The following KAT6A variants were observed in gnomAD, a reference collection of about 807,000 sequenced individuals.
KAT6A encodes the protein lysine acetyltransferase 6A.
KAT6A carries 9 observed loss-of-function variants against 198.4 expected under a neutral mutation model. That is an observed-to-expected ratio of 0.05 (90% CI 0.03 to 0.08). The LOEUF (loss-of-function observed/expected upper bound fraction) is 0.08. Among genes scored for constraint, KAT6A ranks in the 10% least tolerant of loss-of-function variants. The probability of loss-of-function intolerance (pLI) is 1.00; values close to 1 mark genes in which losing one functional copy is unlikely to be tolerated. For missense variants in KAT6A, 2,077 were observed against 2,509.9 expected, an observed-to-expected ratio of 0.83 and a Z score of 3.69; for synonymous variants, 890 against 883.0, an observed-to-expected ratio of 1.01 and a Z score of -0.14.
chr8:41,967,420 A>G (rs748609674), intron 8 of KAT6A, among the ~76,000 whole-genome samples: 5 of 149,890 alleles, frequency 3.3e-5, no homozygotes, highest in African/African-American at 7.3e-5. Flanking sequence ...AGCATTAGGT[A>G]TATCTCCCAA....
chr8:41,963,888 C>T (rs936015417), intron 8 of KAT6A, among the ~76,000 whole-genome samples: 3 of 152,046 alleles, frequency 2.0e-5, no homozygotes, highest in South Asian at 2.1e-4. Context: ...CACACAGCTC[C>T]GAGAATACAC....
chr8:42,005,226 T>C (rs1825681939), intron 2 of KAT6A, among the ~76,000 whole-genome samples: 3 of 152,214 alleles, frequency 2.0e-5, no homozygotes, highest in Admixed American at 1.3e-4. Context: ...TTTCAGAAGA[T>C]ATTCTTTTCT....
Position 42,018,911 on chromosome 8 carries a change from C to G in KAT6A, c.600+29467G>C, listed in dbSNP as rs1003083491. On this transcript the variant is annotated intron_variant, in intron 2 of 16. Transcript: ENST00000265713. ...ACTCCAGCCTGGCGACAGAGCGAGACTCTGCCTCAAATTAAAAAAAAACAA... is the reference window on the plus strand; with the variant it reads ...ACTCCAGCCTGGCGACAGAGCGAGAGTCTGCCTCAAATTAAAAAAAAACAA... Among the ~76,000 whole-genome samples, 2 of 152,120 alleles carry G rather than the reference C, an allele frequency of 1.3e-5. 1 individual carries two copies. Among genetic ancestry groups the G allele is most frequent in the South Asian group, 4.1e-4 (2 of 4,828 alleles).
At chr8:41,937,703 T>C in intron 15 of KAT6A, 135 bp from the exon 16 acceptor site, 3 of 649,592 alleles carry the variant, frequency 4.6e-6, no homozygotes, top group Non-Finnish European at 7.7e-6. Flanking sequence ...ATATTTTGAA[T>C]ATTATTTCAA....
chr8:42,013,303 T>C (rs889838525), intron 2 of KAT6A, among the ~76,000 whole-genome samples: 1 of 151,210 alleles, frequency 6.6e-6, no homozygotes, highest in African/African-American at 2.4e-5. Context: ...GTTGCCAGGC[T>C]GGAGTGCAGT....
chr8:41,982,926 T>A (rs1028372126), intron 3 of KAT6A, among the ~76,000 whole-genome samples: 7 of 151,936 alleles, frequency 4.6e-5, no homozygotes, highest in African/African-American at 1.7e-4. Context: ...TTATCCAAGG[T>A]TTCAAGCATC....
intron 15 of KAT6A, among the ~76,000 whole-genome samples, chr8:41,938,954 G>GAAAAAAAAAA (rs894664976): frequency 2.6e-5 from 2 of 75,748 alleles, no homozygotes. Flanking sequence ...TCTGGGGAAG[G>GAAAAAAAAAA]AAAAAAAAAA....
intron 8 of KAT6A, among the ~76,000 whole-genome samples, chr8:41,960,630 T>C (rs867687543): frequency 6.6e-6 from 1 of 152,216 alleles, no homozygotes; most frequent in Admixed American, 6.5e-5. Context: ...TTGTGACCTA[T>C]CTTTCCCTTT....
chr8:42,026,065 T>C (rs1435520614), intron 2 of KAT6A, among the ~76,000 whole-genome samples: 1 of 152,238 alleles, frequency 6.6e-6, no homozygotes, highest in Non-Finnish European at 1.5e-5. Context: ...CTTGGCACCT[T>C]TACTGAAACA....
chr8:42,048,470 T>C lies in KAT6A; in HGVS notation c.508A>G (p.Asn170Asp). ...LLKDGPLYRL[N>D]TKATNVDGKE... The stretch of plus-strand genomic sequence containing the variant: ...CCATCCACGTTGGTTGCTTTAGTGT[T>C]GAGCCGATAAAGAGGTCCATCTTTA... The change falls in exon 2 of 17, where the codon AAC (asparagine) becomes GAC (aspartate). Residue 170 changes from asparagine (N) to aspartate (D), a missense_variant. Asn to Asp is a conservative substitution (Grantham distance 23). This residue lies in a region of KAT6A where 185 missense variants were observed against 185.7 expected (regional missense o/e 1.00). Coordinates refer to ENST00000265713, the MANE Select transcript of KAT6A (RefSeq NM_006766.5). The C allele has an allele frequency of 6.2e-7, 1 of 1,614,028 alleles. No individual in the cohort carries two copies.
intron 5 of KAT6A, 67 bp downstream of exon 5, chr8:41,980,779 G>GA (rs1824313773): frequency 9.5e-7 from 1 of 1,056,244 alleles, no homozygotes; most frequent in African/African-American, 1.6e-5. Flanking sequence ...TAACAAAGTA[G>GA]ATAAAATGTG....
intron 8 of KAT6A, among the ~76,000 whole-genome samples, chr8:41,956,493 T>G (rs1011884495): frequency 6.6e-6 from 1 of 152,198 alleles, no homozygotes; most frequent in Admixed American, 6.5e-5. Flanking sequence ...CATACATATT[T>G]TATAACAAAA....
intron 8 of KAT6A, among the ~76,000 whole-genome samples, chr8:41,959,115 C>T (rs1384723808): frequency 6.9e-6 from 1 of 145,262 alleles, no homozygotes; most frequent in Non-Finnish European, 1.5e-5. Context: ...GAGCCCAGAT[C>T]GCGCCACTGC....
intron 2 of KAT6A, among the ~76,000 whole-genome samples, chr8:42,046,108 G>A (rs1802278061): frequency 6.6e-6 from 1 of 152,108 alleles, no homozygotes; most frequent in African/African-American, 2.4e-5. Flanking sequence ...AAATCTCAGG[G>A]TTCTAGGACT....
rs1223087909 is a variant in KAT6A at position 41,981,689 on chromosome 8, T to G, written c.825+150A>C. 1.8e-5 allele frequency: 11 copies of G among 594,778 alleles called. No homozygotes were observed. The East Asian group carries it at 3.1e-4, about 17-fold the overall frequency. 36.8% of individuals were successfully genotyped at this position (594,778 alleles called of 1,614,324 possible). The stretch of plus-strand genomic sequence containing the variant: ...GTCTAAATTAGCAAGCATTCTAAAC[T>G]AATGACATGTAGTTTAAAGAGACTA... On this transcript the variant is annotated intron_variant, in intron 4 of 16. Transcript: ENST00000265713.
At chr8:41,956,010 CTG>C (rs1351309078) in intron 8 of KAT6A, among the ~76,000 whole-genome samples, 9 of 152,232 alleles carry the variant, frequency 5.9e-5, no homozygotes, top group African/African-American at 1.9e-4. Context: ...GAAAGACACT[CTG>C]TTATATACAG....
intron 2 of KAT6A, among the ~76,000 whole-genome samples, chr8:42,021,775 A>G (rs112342831): frequency 0.032 from 4,926 of 152,282 alleles, 183 homozygotes; most frequent in South Asian, 0.084. Context: ...TACTAAAAAT[A>G]CAAAAATTAG....
intron 15 of KAT6A, 46 bp downstream of exon 15, chr8:41,940,796 T>TA: frequency 6.4e-7 from 1 of 1,567,832 alleles, no homozygotes; most frequent in Non-Finnish European, 8.6e-7. Flanking sequence ...AGGTGTAAGA[T>TA]AAACTGGAAT....
chr8:42,014,528 C>T (rs1268761061), intron 2 of KAT6A, among the ~76,000 whole-genome samples: 1 of 152,214 alleles, frequency 6.6e-6, no homozygotes, highest in Non-Finnish European at 1.5e-5. Context: ...ATGCCTCAGG[C>T]AACCAGTTTC....
Sources: allele counts gnomAD v4.1 joint callset (sites outside exome capture counted in the v4.1 genomes callset), GRCh38; gene constraint gnomAD v4.1.1; regional missense constraint gnomAD v4.1.1; transcripts MANE v1.5; gene names NCBI Gene and HGNC (gene_info 2026-07-23, HGNC 2026-07-21).